NID2: variants seen among roughly 807,000 people sequenced by gnomAD.
NID2 encodes the protein nidogen 2, also known as nidogen-2.
NID2 carries 83 observed loss-of-function variants against 145.4 expected under a neutral mutation model. That is an observed-to-expected ratio of 0.57 (90% CI 0.48 to 0.69). The LOEUF is 0.69. Among genes scored for constraint, NID2 ranks in the 30% least tolerant of loss-of-function variants. The pLI is 0.00. For synonymous variants in NID2, 739 were observed against 701.3 expected (o/e 1.05, Z -0.85); for missense variants, 1,807 against 1,765.7 (o/e 1.02, Z -0.42).
rs1467248739 is a variant in NID2 at position 52,038,862 on chromosome 14, T to A, written c.2142A>T (p.Arg714Ser). Residue 714 changes from arginine (R) to serine (S), a missense_variant, in exon 9 of 22, where the codon AGA (arginine) becomes AGT (serine). By Grantham distance (110) the Arg-to-Ser change is moderately radical (BLOSUM62 -1). Transcript: ENST00000216286. ...GCTGGGTGGTGGGGAAGGACGGGTG[T>A]CTGGGGGCGTGCCTGCACACCTGGT... ...ITYQVCRHAPRHPSFPTTQQL... is the reference protein window; with the variant it reads ...ITYQVCRHAPSHPSFPTTQQL... 5 of 1,613,910 alleles carry A rather than the reference T, an allele frequency of 3.1e-6. No homozygotes were observed. The highest frequency in any genetic ancestry group is 4.2e-6 in the Non-Finnish European group (5 of 1,179,984).
At chr14:52,006,846 C>T in intron 19 of NID2, 186 bp from the exon 20 acceptor site, 1 of 480,776 alleles carries the variant, frequency 2.1e-6, no homozygotes, top group East Asian at 3.9e-5. Context: ...GAGATTCAAA[C>T]TTTCAATCCT....
At chr14:52,038,714 A>G (rs1453807371) in intron 9 of NID2, 33 bp downstream of exon 9, 2 of 1,499,458 alleles carry the variant, frequency 1.3e-6, no homozygotes, top group Non-Finnish European at 1.8e-6. Flanking sequence ...AAAGGATGTC[A>G]TTTTTACCCA....
chr14:52,058,467 T>C (rs1395993449), intron 3 of NID2, among the ~76,000 whole-genome samples: 6 of 152,218 alleles, frequency 3.9e-5, no homozygotes, highest in Non-Finnish European at 5.9e-5. Flanking sequence ...GCCCCATATC[T>C]TACTCTGCTT....
At chr14:52,011,086 G>C in intron 17 of NID2, 39 bp from the exon 18 acceptor site, 1 of 1,596,104 alleles carries the variant, frequency 6.3e-7, no homozygotes, top group African/African-American at 1.3e-5. Flanking sequence ...GTGTTTGCAG[G>C]ATATGGAGGG....
intron 21 of NID2, 115 bp downstream of exon 21, chr14:52,005,622 G>A (rs1890743623): frequency 4.9e-6 from 7 of 1,417,068 alleles, no homozygotes; most frequent in Non-Finnish European, 7.0e-6. Flanking sequence ...CTGGCCCTCA[G>A]GGCAGGAAGA....
At position 52,053,571 on chromosome 14, in the gene NID2, G is replaced by A. The variant is rs1021473617; in HGVS notation, c.1429+8C>T. 6.2e-7 allele frequency: 1 copy of A among 1,606,830 alleles called. No individual in the cohort carries two copies. Among genetic ancestry groups the A allele is most frequent in the Admixed American group, 1.7e-5 (1 of 59,728 alleles). On this transcript the variant is annotated splice_region_variant and intron_variant, in intron 5 of 21. Coordinates refer to ENST00000216286, the MANE Select transcript of NID2 (RefSeq NM_007361.4). ...AAACCTTAGCACCCAGTTTTCTAAT[G>A]CACTCACCCTCGGTGTTGGAACCTA...
intron 9 of NID2, among the ~76,000 whole-genome samples, chr14:52,030,568 G>GAAAAGAAAGAAC (rs1555363723): frequency 1.3e-4 from 5 of 37,724 alleles, no homozygotes; most frequent in African/African-American, 2.8e-4. Context: ...AAGAAAGAAA[G>GAAAAGAAAGAAC]GAAGGAAGGG....
At chr14:52,055,301 T>C (rs571388603) in intron 3 of NID2, among the ~76,000 whole-genome samples, 6 of 152,332 alleles carry the variant, frequency 3.9e-5, no homozygotes, top group African/African-American at 1.4e-4. Context: ...CTGCAGTCAA[T>C]AAGCATCTGA....
chr14:52,063,408 T>A (rs1273420645), intron 2 of NID2, among the ~76,000 whole-genome samples: 1 of 152,170 alleles, frequency 6.6e-6, no homozygotes, highest in African/African-American at 2.4e-5. Flanking sequence ...GCCAGAGCCC[T>A]CTGCAGAAAC....
At position 52,015,266 on chromosome 14, in the gene NID2, T is replaced by TG. The variant is rs1327744965; in HGVS notation, c.3037dup (p.Gln1013ProfsTer8). 3 of 1,610,810 alleles carry TG rather than the reference T, an allele frequency of 1.9e-6. No homozygotes were observed. Among genetic ancestry groups the TG allele is most frequent in the Non-Finnish European group, 2.5e-6 (3 of 1,177,344 alleles). On this transcript the variant is annotated frameshift_variant, in exon 15 of 22. Coordinates refer to ENST00000216286, the MANE Select transcript of NID2 (RefSeq NM_007361.4). LOFTEE classifies it high-confidence loss of function. ...GCGCTCACAGATGGTCGGGGGCCTC[T>TG]GGGTGGGCTCTGAGCAGATGGGGAA...
intron 5 of NID2, among the ~76,000 whole-genome samples, chr14:52,050,616 C>T (rs1464394941): frequency 4.7e-4 from 68 of 145,784 alleles, no homozygotes; most frequent in Admixed American, 4.6e-3. Flanking sequence ...CCCTACAGGA[C>T]AACTTTTTTT....
intron 13 of NID2, among the ~76,000 whole-genome samples, chr14:52,019,784 A>T (rs1256955828): frequency 6.6e-6 from 1 of 151,982 alleles, no homozygotes; most frequent in Non-Finnish European, 1.5e-5. Flanking sequence ...TCCAAATTGC[A>T]CTCATCAAGG....
In NID2 at chr14:52,005,743, G is replaced by A. The variant is rs1311635123; in HGVS notation, c.4111C>T (p.Pro1371Ser). 3.7e-6 allele frequency: 6 copies of A among 1,610,682 alleles called. No homozygotes were observed. In the South Asian group the frequency reaches 4.4e-5, roughly 12 times the overall value. ...YGITAVYPYC[P>S]TGRK Reference sequence around the variant, plus strand: ...CCTAAAGCATACTTTTTACCTGTTGGGCAGTAGGGGTAGACTGCAGTTATC... The same window carrying A: ...CCTAAAGCATACTTTTTACCTGTTGAGCAGTAGGGGTAGACTGCAGTTATC... The change falls in exon 21 of 22, where the codon CCA becomes TCA. Residue 1371 changes from proline (P) to serine (S), a missense_variant. Transcript: ENST00000216286.
At chr14:52,046,746 GCTAA>G (rs1389540884) in intron 5 of NID2, among the ~76,000 whole-genome samples, 5 of 152,328 alleles carry the variant, frequency 3.3e-5, no homozygotes, top group East Asian at 1.9e-4. Flanking sequence ...ATTACAATGG[GCTAA>G]CTAGTTACTG....
chr14:52,013,451 C>CT (rs1306858685), intron 16 of NID2, among the ~76,000 whole-genome samples: 2 of 152,278 alleles, frequency 1.3e-5, no homozygotes, highest in Middle Eastern at 3.4e-3. Flanking sequence ...TGCCTCTAAG[C>CT]TTTTCTGGAA....
rs1566743898 is a variant in NID2 at position 52,014,332 on chromosome 14, G to A, written c.3375C>T (p.Gly1125=). The change falls in exon 16 of 22, where the codon GGC becomes GGT. Residue 1125 remains glycine (G), a synonymous_variant. Transcript: ENST00000216286. The stretch of plus-strand genomic sequence containing the variant: ...TAGCTGCATCCTTCTGAAGCCTGGT[G>A]CCATTGAGGGGTAAGTAGCCAATCT... ...GQQIGYLPLN[G]TRLQKDAAKT... 3 of 1,614,124 alleles carry A rather than the reference G, an allele frequency of 1.9e-6. No individual in the cohort carries two copies. The highest frequency in any genetic ancestry group is 2.2e-5 in the East Asian group (1 of 44,894).
At chr14:52,054,820 T>G (rs1437043730) in intron 3 of NID2, among the ~76,000 whole-genome samples, 1 of 152,248 alleles carries the variant, frequency 6.6e-6, no homozygotes, top group Non-Finnish European at 1.5e-5. Flanking sequence ...ACTGGACTTT[T>G]GATGTGAACT....
chr14:52,067,894 G>C lies in NID2; in HGVS notation c.498C>G (p.Tyr166Ter), dbSNP rs1380743725. The C allele has an allele frequency of 6.2e-6, 10 of 1,612,858 alleles. No individual in the cohort carries two copies. Among genetic ancestry groups the C allele is most frequent in the Non-Finnish European group, 8.5e-6 (10 of 1,179,958 alleles). ...GCAGCGCCCCGCGCTTGACCTCCTCGTAAGCGCCTACCTGCTCCCAGGTGG... is the reference window on the plus strand; with the variant it reads ...GCAGCGCCCCGCGCTTGACCTCCTCCTAAGCGCCTACCTGCTCCCAGGTGG... ...FLATWEQVGA[Y>*]EEVKRGALPS... The change falls in exon 2 of 22, where the codon TAC (tyrosine) becomes TAG (stop). Residue 166 changes from tyrosine (Y) to a stop codon, truncating the protein, a stop_gained. Transcript: ENST00000216286. LOFTEE classifies it high-confidence loss of function.
At chr14:52,047,084 A>G (rs1223225876) in intron 5 of NID2, among the ~76,000 whole-genome samples, 2 of 152,242 alleles carry the variant, frequency 1.3e-5, no homozygotes, top group Non-Finnish European at 2.9e-5. Context: ...AGCATTCACT[A>G]TAGACCTGTA....
Sources: gnomAD v4.1 joint callset for allele counts (sites outside exome capture counted in the v4.1 genomes callset) on GRCh38, gnomAD v4.1.1 for gene constraint, MANE v1.5 for transcripts, NCBI Gene and HGNC (gene_info 2026-07-23, HGNC 2026-07-21) for gene names.